Variants in INPP4B observed in about 807,000 individuals in gnomAD.
The protein encoded by INPP4B is inositol polyphosphate-4-phosphatase type II B.
In INPP4B, 55 loss-of-function variants were observed where a neutral mutation model predicts 122.5. The ratio of observed to expected loss-of-function variants is 0.45; its 90% CI spans 0.36 to 0.56. The LOEUF (loss-of-function observed/expected upper bound fraction) is 0.56, where lower values mean the gene tolerates loss of function less well. INPP4B is among the 20% of genes least tolerant of loss of function. The probability of loss-of-function intolerance (pLI) is 0.00; values close to 1 mark genes in which losing one functional copy is unlikely to be tolerated. For synonymous variants in INPP4B, 403 were observed against 388.7 expected (o/e 1.04, Z -0.43); for missense variants, 1,000 against 1,097.7 (o/e 0.91, Z 1.26).
chr4:142,610,688 G>A (rs1213070297), intron 2 of INPP4B, among the ~76,000 whole-genome samples: 4 of 152,058 alleles, frequency 2.6e-5, no homozygotes, highest in Middle Eastern at 3.2e-3. Context: ...TTTAGAACAC[G>A]TGATCACCAA....
intron 2 of INPP4B, among the ~76,000 whole-genome samples, chr4:142,579,003 G>T (rs1196300851): frequency 1.3e-5 from 2 of 151,938 alleles, no homozygotes; most frequent in Admixed American, 1.3e-4. Flanking sequence ...TACCAAAAAA[G>T]ACAAACACAC....
intron 1 of INPP4B, among the ~76,000 whole-genome samples, chr4:142,794,902 G>T (rs1777028954): frequency 6.6e-6 from 1 of 151,338 alleles, no homozygotes; most frequent in Admixed American, 6.6e-5. Context: ...CAAATCCTAG[G>T]TGTGTGTGTA....
chr4:142,753,671 T>A (rs572849090), intron 1 of INPP4B, among the ~76,000 whole-genome samples: 21 of 152,196 alleles, frequency 1.4e-4, no homozygotes, highest in Non-Finnish European at 2.6e-4. Flanking sequence ...AATTTTACTG[T>A]TGAAATCTCA....
At chr4:142,331,058 C>T (rs933524949) in intron 7 of INPP4B, among the ~76,000 whole-genome samples, 2 of 152,190 alleles carry the variant, frequency 1.3e-5, no homozygotes, top group Non-Finnish European at 2.9e-5. Flanking sequence ...TAATGTTGCT[C>T]TTTATTTGCA....
intron 1 of INPP4B, among the ~76,000 whole-genome samples, chr4:142,739,336 A>G (rs1485083006): frequency 1.3e-5 from 2 of 152,036 alleles, no homozygotes; most frequent in African/African-American, 2.4e-5. Context: ...AAGTAGGATA[A>G]GAATATTAAT....
At chr4:142,428,755 C>A (rs1477733650) in intron 5 of INPP4B, among the ~76,000 whole-genome samples, 2 of 151,936 alleles carry the variant, frequency 1.3e-5, no homozygotes, top group African/African-American at 4.8e-5. Flanking sequence ...AGGGAATGTT[C>A]TTGAATACGA....
At chr4:142,403,583 ACT>A (rs530147025) in intron 6 of INPP4B, among the ~76,000 whole-genome samples, 7 of 152,066 alleles carry the variant, frequency 4.6e-5, no homozygotes, top group Non-Finnish European at 8.8e-5. Flanking sequence ...AATGAAAGAA[ACT>A]CTAAATATGA....
At chr4:142,843,451 A>C (rs1783809018) in intron 1 of INPP4B, among the ~76,000 whole-genome samples, 1 of 151,904 alleles carries the variant, frequency 6.6e-6, no homozygotes, top group Admixed American at 6.6e-5. Flanking sequence ...TGAAAAACTA[A>C]GGTACATAAT....
intron 7 of INPP4B, among the ~76,000 whole-genome samples, chr4:142,394,431 C>T (rs533760949): frequency 1.3e-5 from 2 of 152,332 alleles, no homozygotes; most frequent in African/African-American, 2.4e-5. Context: ...AGGCTACAGC[C>T]ACCGCACCTG....
In INPP4B at chr4:142,228,987, G is replaced by C. The variant is rs529668230; in HGVS notation, c.836+8877C>G. On this transcript the variant is annotated intron_variant, in intron 12 of 25. Transcript: ENST00000262992. ...CTATGTAATTGATGGAAGTAAAATT[G>C]ATGCAAACTTTTTAGAGGCAAGCTG... Among the ~76,000 whole-genome samples the C allele has an allele frequency of 7.2e-5, 11 of 151,728 alleles. No homozygotes were observed. In the South Asian group the frequency reaches 2.3e-3, roughly 32 times the overall value.
chr4:142,367,186 A>ATGTGTGTGTG (rs764327310), intron 7 of INPP4B, among the ~76,000 whole-genome samples: 55 of 106,418 alleles, frequency 5.2e-4, no homozygotes, highest in African/African-American at 1.8e-3. Context: ...TATACATGTA[A>ATGTGTGTGTG]TATGTGTGTG....
At chr4:142,289,879 T>TTCATGCTGTCACAATGTTCA (rs1755592649) in intron 9 of INPP4B, among the ~76,000 whole-genome samples, 2 of 152,174 alleles carry the variant, frequency 1.3e-5, no homozygotes, top group South Asian at 4.1e-4. Context: ...TCTCACATTA[T>TTCATGCTGTCACAATGTTCA]TCATGCTGTC....
intron 2 of INPP4B, among the ~76,000 whole-genome samples, chr4:142,669,415 G>A (rs1756657479): frequency 6.6e-6 from 1 of 152,080 alleles, no homozygotes; most frequent in South Asian, 2.1e-4. Context: ...TTTAAAATAT[G>A]CTGCAAGCCT....
intron 2 of INPP4B, among the ~76,000 whole-genome samples, chr4:142,641,323 GGTTT>G (rs1246703904): frequency 1.3e-5 from 2 of 151,884 alleles, no homozygotes; most frequent in South Asian, 4.2e-4. Context: ...ACAATGTGCA[GGTTT>G]GTTACACATA....
At chr4:142,569,478 T>C (rs965908601) in intron 2 of INPP4B, among the ~76,000 whole-genome samples, 1 of 152,116 alleles carries the variant, frequency 6.6e-6, no homozygotes, top group African/African-American at 2.4e-5. Flanking sequence ...CAAACAAACC[T>C]ATGAGGTGAA....
At chr4:142,402,254 A>C (rs1801864961) in intron 7 of INPP4B, among the ~76,000 whole-genome samples, 2 of 152,200 alleles carry the variant, frequency 1.3e-5, no homozygotes, top group South Asian at 4.1e-4. Flanking sequence ...AATTTAAAGG[A>C]GAGAACTGCC....
At chr4:142,412,905 T>C (rs1180685027) in intron 5 of INPP4B, among the ~76,000 whole-genome samples, 3 of 152,206 alleles carry the variant, frequency 2.0e-5, no homozygotes, top group Non-Finnish European at 4.4e-5. Context: ...ACCACTCATA[T>C]ATTTTATAAG....
At chr4:142,148,075 T>C (rs1401625792) in intron 17 of INPP4B, among the ~76,000 whole-genome samples, 1 of 151,958 alleles carries the variant, frequency 6.6e-6, no homozygotes, top group Middle Eastern at 3.2e-3. Flanking sequence ...ATTTTTAAGG[T>C]GATTAAATTG....
At chr4:142,790,663 CA>C (rs1214569605) in intron 1 of INPP4B, among the ~76,000 whole-genome samples, 1 of 151,116 alleles carries the variant, frequency 6.6e-6, no homozygotes, top group Non-Finnish European at 1.5e-5. Flanking sequence ...AAACAAAAAA[CA>C]AAAACAAAAA....
Sources: allele counts gnomAD v4.1 joint callset (sites outside exome capture counted in the v4.1 genomes callset), GRCh38; gene constraint gnomAD v4.1.1; transcripts MANE v1.5; gene names NCBI Gene and HGNC (gene_info 2026-07-23, HGNC 2026-07-21).